AGBL4: variants seen among roughly 807,000 people sequenced by gnomAD.
AGBL4 encodes the protein AGBL carboxypeptidase 4.
In AGBL4, 58 loss-of-function variants were observed where a neutral mutation model predicts 66.4. The ratio of observed to expected loss-of-function variants is 0.87; its 90% CI spans 0.71 to 1.09. The LOEUF (loss-of-function observed/expected upper bound fraction) is 1.09, where lower values mean the gene tolerates loss of function less well. Among genes scored for constraint, AGBL4 ranks in the 50% least tolerant of loss-of-function variants. AGBL4 has a pLI of 0.00. For synonymous variants in AGBL4, 234 were observed against 222.9 expected (o/e 1.05, Z -0.44); for missense variants, 579 against 631.0 (o/e 0.92, Z 0.88).
chr1:48,756,002 G>A (rs1481120445), intron 6 of AGBL4, among the ~76,000 whole-genome samples: 11 of 152,158 alleles, frequency 7.2e-5, no homozygotes, highest in Admixed American at 6.5e-4. Flanking sequence ...GGGGGTGCCC[G>A]AGTTAAAAGC....
chr1:49,706,167 C>A (rs1477163919), intron 2 of AGBL4, among the ~76,000 whole-genome samples: 3 of 152,150 alleles, frequency 2.0e-5, no homozygotes, highest in Non-Finnish European at 4.4e-5. Context: ...GGCTGTGAAT[C>A]TGTCTAGTCC....
At chr1:49,723,846 G>A (rs1464819433) in intron 2 of AGBL4, among the ~76,000 whole-genome samples, 1 of 152,052 alleles carries the variant, frequency 6.6e-6, no homozygotes, top group Non-Finnish European at 1.5e-5. Context: ...ATGAAATTCA[G>A]CTTTCATTTA....
chr1:49,344,474 T>A (rs997121689), intron 3 of AGBL4, among the ~76,000 whole-genome samples: 45 of 152,194 alleles, frequency 3.0e-4, no homozygotes, highest in Non-Finnish European at 5.1e-4. Flanking sequence ...AGGATAAAGC[T>A]AAAGATTTGA....
intron 3 of AGBL4, among the ~76,000 whole-genome samples, chr1:49,272,764 GTA>G (rs1285472799): frequency 6.6e-6 from 1 of 151,924 alleles, no homozygotes; most frequent in Non-Finnish European, 1.5e-5. Flanking sequence ...ATACACACAT[GTA>G]TATGTCTGTT....
At chr1:49,720,814 A>G (rs528482839) in intron 2 of AGBL4, among the ~76,000 whole-genome samples, 21 of 152,310 alleles carry the variant, frequency 1.4e-4, no homozygotes, top group Non-Finnish European at 2.2e-4. Context: ...AGGGACATAA[A>G]ATTAAAAGAC....
intron 5 of AGBL4, among the ~76,000 whole-genome samples, chr1:49,035,693 CCTGA>C (rs1571286418): frequency 1.3e-5 from 2 of 151,960 alleles, no homozygotes; most frequent in African/African-American, 2.4e-5. Context: ...TTAACAACAG[CCTGA>C]CTATCACCTG....
intron 6 of AGBL4, among the ~76,000 whole-genome samples, chr1:48,849,003 C>G (rs533204186): frequency 6.6e-6 from 1 of 152,190 alleles, no homozygotes; most frequent in East Asian, 1.9e-4. Flanking sequence ...TAAACTTTAC[C>G]AAACACCACT....
chr1:49,768,934 C>T (rs1243268203), intron 2 of AGBL4, among the ~76,000 whole-genome samples: 2 of 151,962 alleles, frequency 1.3e-5, no homozygotes, highest in Non-Finnish European at 1.5e-5. Flanking sequence ...CTGCAACCTC[C>T]GCCTCCTGGG....
intron 4 of AGBL4, among the ~76,000 whole-genome samples, chr1:49,181,579 C>T (rs1646931578): frequency 6.6e-6 from 1 of 152,146 alleles, no homozygotes; most frequent in Non-Finnish European, 1.5e-5. Flanking sequence ...GGGGTATTGC[C>T]TAGGTTAAAT....
intron 8 of AGBL4, among the ~76,000 whole-genome samples, chr1:48,650,301 G>C (rs1388897231): frequency 6.6e-6 from 1 of 152,192 alleles, no homozygotes; most frequent in Non-Finnish European, 1.5e-5. Flanking sequence ...TGCACGTCCA[G>C]AGGGAGATGT....
intron 3 of AGBL4, among the ~76,000 whole-genome samples, chr1:49,459,641 G>A (rs1412632962): frequency 6.6e-6 from 1 of 151,182 alleles, no homozygotes; most frequent in Non-Finnish European, 1.5e-5. Flanking sequence ...TGTATTTCTT[G>A]TTTGTTTCCT....
chr1:49,899,255 T>A (rs1362645453), intron 1 of AGBL4, among the ~76,000 whole-genome samples: 1 of 151,948 alleles, frequency 6.6e-6, no homozygotes, highest in East Asian at 1.9e-4. Flanking sequence ...TATATACACC[T>A]ACTATGTGTC....
chr1:48,912,088 C>G lies in AGBL4; in HGVS notation c.595-44858G>C, dbSNP rs368075686. ...GCATATACTGAGCATCTGTGATATG[C>G]CAGACACTATGCTAGCCACGGAAAA... is the stretch of plus-strand genomic sequence containing the variant. On this transcript the variant is annotated intron_variant, in intron 5 of 13. Coordinates refer to ENST00000371839, the MANE Select transcript of AGBL4 (RefSeq NM_032785.4). Among the ~76,000 whole-genome samples, 70 of 152,244 alleles carry G rather than the reference C, an allele frequency of 4.6e-4. 1 individual carries two copies. In the South Asian group the frequency reaches 9.8e-3, roughly 21 times the overall value.
At chr1:49,554,643 C>G (rs1653256291) in intron 3 of AGBL4, among the ~76,000 whole-genome samples, 1 of 152,206 alleles carries the variant, frequency 6.6e-6, no homozygotes, top group Non-Finnish European at 1.5e-5. Context: ...GTCCCGCCCA[C>G]AAATGTGTCC....
chr1:48,999,242 G>C (rs1661225481), intron 5 of AGBL4, among the ~76,000 whole-genome samples: 1 of 152,116 alleles, frequency 6.6e-6, no homozygotes, highest in Non-Finnish European at 1.5e-5. Context: ...ATCCAATTAA[G>C]AACATCAGAA....
At chr1:49,264,277 A>G (rs1046842109) in intron 3 of AGBL4, among the ~76,000 whole-genome samples, 1 of 152,124 alleles carries the variant, frequency 6.6e-6, no homozygotes, top group Non-Finnish European at 1.5e-5. Flanking sequence ...ATGTTATTTT[A>G]TGTATATATG....
chr1:49,331,879 C>T (rs1233881476), intron 3 of AGBL4, among the ~76,000 whole-genome samples: 2 of 152,210 alleles, frequency 1.3e-5, no homozygotes, highest in African/African-American at 2.4e-5. Flanking sequence ...CCTCCAGCCA[C>T]CCTTACCCAT....
intron 4 of AGBL4, among the ~76,000 whole-genome samples, chr1:49,131,682 T>A (rs906823038): frequency 6.6e-6 from 1 of 151,978 alleles, no homozygotes; most frequent in Admixed American, 6.6e-5. Flanking sequence ...AGCAGCAAGT[T>A]TTGAAGAGAT....
At chr1:49,010,159 C>T (rs1557555689) in intron 5 of AGBL4, among the ~76,000 whole-genome samples, 1 of 151,974 alleles carries the variant, frequency 6.6e-6, no homozygotes, top group Non-Finnish European at 1.5e-5. Flanking sequence ...TCTCCTTAAG[C>T]TGATAAGCAA....
Sources: gnomAD v4.1 joint callset for allele counts (sites outside exome capture counted in the v4.1 genomes callset) on GRCh38, gnomAD v4.1.1 for gene constraint, MANE v1.5 for transcripts, NCBI Gene and HGNC (gene_info 2026-07-23, HGNC 2026-07-21) for gene names.